CAST: variants seen among roughly 807,000 people sequenced by gnomAD.
CAST encodes calpastatin.
Under a neutral mutation model 119.6 loss-of-function variants are expected in CAST, and 76 were observed. That is an observed-to-expected ratio of 0.64 (90% CI 0.53 to 0.77). The LOEUF (loss-of-function observed/expected upper bound fraction) is 0.77, where lower values mean the gene tolerates loss of function less well. CAST is among the 30% of genes least tolerant of loss of function. The pLI is 0.00. For synonymous variants in CAST, 319 were observed against 331.6 expected, an observed-to-expected ratio of 0.96 and a Z score of 0.41; for missense variants, 953 against 946.5, an observed-to-expected ratio of 1.01 and a Z score of -0.09.
At chr5:96,505,735 G>GT in the CAST span, among the ~76,000 whole-genome samples, 644 of 152,330 alleles carry the variant, frequency 4.2e-3, 2 homozygotes, top group African/African-American at 0.015. Context: ...TCCTGAAGAG[G>GT]TAAGAGCAGA....
At chr5:96,000,050 C>A in the CAST span, among the ~76,000 whole-genome samples, 1 of 152,058 alleles carries the variant, frequency 6.6e-6, no homozygotes. Flanking sequence ...ATTTGCATAT[C>A]TTCTTTAGTG....
the CAST span, among the ~76,000 whole-genome samples, chr5:96,448,137 A>G: frequency 2.6e-5 from 4 of 152,344 alleles, no homozygotes; most frequent in East Asian, 5.8e-4. Flanking sequence ...AAAGAAAGGC[A>G]TTTTGAAAGC....
At chr5:96,233,504 A>G in the CAST span, among the ~76,000 whole-genome samples, 1 of 152,154 alleles carries the variant, frequency 6.6e-6, no homozygotes, top group Non-Finnish European at 1.5e-5. Flanking sequence ...ACAGAACAGA[A>G]CATTCAATAT....
intron 1 of CAST, among the ~76,000 whole-genome samples, chr5:96,569,513 G>C (rs966033427): frequency 1.3e-5 from 2 of 152,186 alleles, no homozygotes; most frequent in African/African-American, 4.8e-5. Context: ...ACCTGTTGCT[G>C]TTTGCTTCCC....
At chr5:96,282,519 G>A in the CAST span, among the ~76,000 whole-genome samples, 75,152 of 151,998 alleles carry the variant, frequency 0.49, 20,392 homozygotes, top group African/African-American at 0.71. Context: ...AGGCATCCCT[G>A]GATACTGTCG....
chr5:96,672,840 G>A (rs1437635382), intron 1 of CAST, among the ~76,000 whole-genome samples: 1 of 151,598 alleles, frequency 6.6e-6, no homozygotes, highest in Non-Finnish European at 1.5e-5. Context: ...TTTCTATTGT[G>A]AGCAACTTTT....
rs372290919 is a variant in CAST at position 96,534,814 on chromosome 5, AAGAAAG to A, written c.60+4936_60+4941del. On this transcript the variant is annotated intron_variant, in intron 1 of 11. Coordinates refer to the CAST transcript ENST00000505143. ...GAAAGAAAGAAAGAAGAAAGAAAGA[AAGAAAG>A]AAAAGAAAGAAGGAAAGAAGGAAGG... Among the ~76,000 whole-genome samples, 869 of 148,316 alleles carry A rather than the reference AAGAAAG, an allele frequency of 5.9e-3. 21 individuals carry two copies. The highest frequency in any genetic ancestry group is 0.035 in the Middle Eastern group (10 of 282).
At chr5:96,494,415 A>G in the CAST span, among the ~76,000 whole-genome samples, 2 of 152,244 alleles carry the variant, frequency 1.3e-5, no homozygotes, top group African/African-American at 4.8e-5. Flanking sequence ...CAAGGAGAGC[A>G]TGGAATAGCA....
At chr5:96,038,295 A>G in the CAST span, among the ~76,000 whole-genome samples, 1 of 152,174 alleles carries the variant, frequency 6.6e-6, no homozygotes, top group African/African-American at 2.4e-5. Context: ...AGAATAGACA[A>G]ACATCCCTTG....
the CAST span, among the ~76,000 whole-genome samples, chr5:96,451,723 A>G: frequency 6.6e-6 from 1 of 152,236 alleles, no homozygotes; most frequent in Non-Finnish European, 1.5e-5. Context: ...AGAATGGGAG[A>G]AAATTTTTTC....
chr5:96,180,531 A>G, the CAST span, among the ~76,000 whole-genome samples: 1 of 152,242 alleles, frequency 6.6e-6, no homozygotes, highest in Non-Finnish European at 1.5e-5. Context: ...CACAACAATC[A>G]TATGAAAACA....
At chr5:96,425,742 AAT>A in the CAST span, 1 of 800,300 alleles carries the variant, frequency 1.2e-6, no homozygotes, top group Non-Finnish European at 2.2e-6. Context: ...AAAAAAAAAA[AAT>A]CCATGTTGCA....
At chr5:96,616,441 G>A (rs1580846811) in intron 1 of CAST, among the ~76,000 whole-genome samples, 1 of 152,126 alleles carries the variant, frequency 6.6e-6, no homozygotes, top group Non-Finnish European at 1.5e-5. Context: ...TAGAAGTCAG[G>A]AATTCCAGCC....
chr5:96,312,398 AT>A, the CAST span, among the ~76,000 whole-genome samples: 1 of 151,964 alleles, frequency 6.6e-6, no homozygotes, highest in African/African-American at 2.4e-5. Context: ...AGACCCCCTG[AT>A]TTTTTTCCTT....
chr5:96,606,452 G>A (rs530852694), intron 1 of CAST, among the ~76,000 whole-genome samples: 5 of 152,220 alleles, frequency 3.3e-5, no homozygotes, highest in Admixed American at 2.0e-4. Context: ...AGGGCTGGAT[G>A]CAGAAAGAGC....
At chr5:96,038,734 G>A in the CAST span, among the ~76,000 whole-genome samples, 1 of 152,104 alleles carries the variant, frequency 6.6e-6, no homozygotes, top group Admixed American at 6.5e-5. Context: ...GTATGCCATG[G>A]TGTATATGTG....
chr5:95,982,218 T>C, the CAST span, among the ~76,000 whole-genome samples: 2 of 152,086 alleles, frequency 1.3e-5, no homozygotes, highest in African/African-American at 2.4e-5. Flanking sequence ...ATCAGTCCAA[T>C]ACTATTTTTT....
At chr5:96,083,760 C>G in the CAST span, among the ~76,000 whole-genome samples, 1 of 152,048 alleles carries the variant, frequency 6.6e-6, no homozygotes, top group South Asian at 2.1e-4. Flanking sequence ...ATCTCATTTC[C>G]CTGTCAGTGT....
the CAST span, among the ~76,000 whole-genome samples, chr5:96,433,605 G>A: frequency 6.6e-6 from 1 of 152,148 alleles, no homozygotes; most frequent in Non-Finnish European, 1.5e-5. Flanking sequence ...GTGTGGCGGG[G>A]AGGGGGGGAG....
Sources: allele counts gnomAD v4.1 joint callset (sites outside exome capture counted in the v4.1 genomes callset), GRCh38; gene constraint gnomAD v4.1.1; transcripts MANE v1.5; gene names NCBI Gene and HGNC (gene_info 2026-07-23, HGNC 2026-07-21).